SCAF8: variants seen among roughly 807,000 people sequenced by gnomAD.
The protein encoded by SCAF8 is SR-related CTD associated factor 8.
In SCAF8, 23 loss-of-function variants were observed where a neutral mutation model predicts 140.5. That is an observed-to-expected ratio of 0.16 (90% confidence interval 0.12 to 0.23). The LOEUF (loss-of-function observed/expected upper bound fraction) is 0.23, where lower values mean the gene tolerates loss of function less well. SCAF8 is among the 10% of genes least tolerant of loss of function. The pLI, the probability that SCAF8 is intolerant of heterozygous loss-of-function variation, is 1.00. For synonymous variants in SCAF8, 575 were observed against 528.9 expected, an observed-to-expected ratio of 1.09 and a Z score of -1.20; for missense variants, 1,397 against 1,555.7, an observed-to-expected ratio of 0.90 and a Z score of 1.72.
chr6:154,789,037 G>A (rs1196726192), intron 4 of SCAF8, among the ~76,000 whole-genome samples: 2 of 152,132 alleles, frequency 1.3e-5, no homozygotes, highest in African/African-American at 4.8e-5. Context: ...AGATTAAGTA[G>A]TTATTTTTCA....
intron 12 of SCAF8, among the ~76,000 whole-genome samples, chr6:154,813,222 A>G (rs1328487862): frequency 6.6e-6 from 1 of 152,000 alleles, no homozygotes; most frequent in East Asian, 1.9e-4. Context: ...AAAACAAAAC[A>G]AAAAACAGAA....
chr6:154,762,268 G>C (rs1196482292), intron 1 of SCAF8, among the ~76,000 whole-genome samples: 2 of 152,206 alleles, frequency 1.3e-5, no homozygotes, highest in African/African-American at 4.8e-5. Flanking sequence ...TTTCACTTGG[G>C]TGATGGAGGT....
chr6:154,822,746 A>G (rs1562464584), intron 16 of SCAF8, among the ~76,000 whole-genome samples: 1 of 152,098 alleles, frequency 6.6e-6, no homozygotes, highest in African/African-American at 2.4e-5. Context: ...TTTTTGAAAA[A>G]TTATTTTTAG....
rs766463148 is a variant in SCAF8, at chr6:154,833,418, T to A, written c.*23T>A. Reference sequence around the variant, plus strand: ...TAATCATCACTCAGTAGGTAAAAGATACCTTTTGTAAAGTTGTCATCTCTC... The same window carrying A: ...TAATCATCACTCAGTAGGTAAAAGAAACCTTTTGTAAAGTTGTCATCTCTC... On this transcript the variant is annotated 3_prime_UTR_variant, in exon 20 of 20. Transcript: ENST00000367178. 1.3e-6 allele frequency: 2 copies of A among 1,595,028 alleles called. No homozygotes were observed. The highest frequency in any genetic ancestry group is 1.8e-5 in the Admixed American group (1 of 57,122).
intron 11 of SCAF8, among the ~76,000 whole-genome samples, chr6:154,809,403 A>G (rs1778020269): frequency 6.6e-6 from 1 of 152,054 alleles, no homozygotes; most frequent in Non-Finnish European, 1.5e-5. Flanking sequence ...ATATTTATCT[A>G]TTGCAAATGA....
rs1778769624 is a variant in SCAF8, at chr6:154,832,338, C to G, written c.2759C>G (p.Thr920Arg). Residue 920 changes from threonine (T) to arginine (R), a missense_variant, in exon 20 of 20, where the codon ACA (threonine) becomes AGA (arginine). Around this residue, in one of 5 missense-constraint regions of SCAF8, gnomAD observed 930 missense variants for 874.6 expected, o/e 1.06. Transcript: ENST00000367178. ...PLSIPNQRMP[T>R]MPMLDIRPGL... ...AGTATCCCTAATCAAAGGATGCCCA[C>G]AATGCCAATGTTAGACATTCGTCCG... 6.2e-7 allele frequency: 1 copy of G among 1,613,916 alleles called. No individual in the cohort carries two copies. Among genetic ancestry groups the G allele is most frequent in the Non-Finnish European group, 8.5e-7 (1 of 1,180,010 alleles).
At chr6:154,738,760 T>C (rs1189509516) in intron 1 of SCAF8, among the ~76,000 whole-genome samples, 1 of 152,240 alleles carries the variant, frequency 6.6e-6, no homozygotes, top group Admixed American at 6.5e-5. Context: ...CCTAAATCTG[T>C]GGATTACTTT....
Position 154,815,823 on chromosome 6 carries a change from A to G in SCAF8, c.1521+7A>G. The G allele has an allele frequency of 1.3e-6, 2 of 1,550,756 alleles. No individual in the cohort carries two copies. Among genetic ancestry groups the G allele is most frequent in the Non-Finnish European group, 8.9e-7 (1 of 1,123,466 alleles). On this transcript the variant is annotated splice_region_variant and intron_variant, in intron 13 of 19. Coordinates refer to ENST00000367178, the MANE Select transcript of SCAF8 (RefSeq NM_014892.5). Reference sequence around the variant, plus strand: ...ACAGATTGAATCCATTAATGCAAGTATCAGTTCTTAATAATTTAAGGTTTT... The same window carrying G: ...ACAGATTGAATCCATTAATGCAAGTGTCAGTTCTTAATAATTTAAGGTTTT...
intron 1 of SCAF8, among the ~76,000 whole-genome samples, chr6:154,742,369 A>G (rs1778592836): frequency 1.3e-5 from 2 of 152,214 alleles, no homozygotes; most frequent in Non-Finnish European, 2.9e-5. Flanking sequence ...ACACCTTTTG[A>G]AGAATTTCTT....
intron 3 of SCAF8, among the ~76,000 whole-genome samples, chr6:154,782,417 T>TCAAAACAAAACAAAACAAAACAAAA (rs200726820): frequency 6.6e-6 from 1 of 151,712 alleles, no homozygotes; most frequent in African/African-American, 2.4e-5. Flanking sequence ...AGAGCTTGTC[T>TCAAAACAAAACAAAACAAAACAAAA]CAAAACAAAA....
intron 18 of SCAF8, among the ~76,000 whole-genome samples, chr6:154,829,313 T>C (rs1156710728): frequency 2.0e-5 from 3 of 152,028 alleles, no homozygotes; most frequent in East Asian, 1.9e-4. Context: ...TTTACTAGAA[T>C]AGACATTTCA....
rs532893908 is a variant in SCAF8, at chr6:154,796,353, T to TTCTCTC, written c.606+1248_606+1253dup. ...ATAATGATTCAGCATTGCAATCCTG[T>TTCTCTC]TCTCTCTCTCTCTCTCTCTCTCTCT... On this transcript the variant is annotated intron_variant, in intron 6 of 19. Coordinates refer to ENST00000367178, the MANE Select transcript of SCAF8 (RefSeq NM_014892.5). 8.7e-3 allele frequency among the ~76,000 whole-genome samples: 655 copies of TTCTCTC among 75,236 alleles called. 9 individuals carry two copies. Among genetic ancestry groups the TTCTCTC allele is most frequent in the Admixed American group, 0.021 (150 of 7,306 alleles). The allele number at this position is 75,236 out of a possible 152,430, so 49.4% of individuals were successfully genotyped here.
At position 154,771,812 on chromosome 6, in the gene SCAF8, G is replaced by A. The variant is rs531347121; in HGVS notation, c.31-2177G>A. 1.1e-4 allele frequency among the ~76,000 whole-genome samples: 16 copies of A among 152,174 alleles called. No homozygotes were observed. In the South Asian group the frequency reaches 2.7e-3, roughly 26 times the overall value. On this transcript the variant is annotated intron_variant, in intron 1 of 19. Coordinates refer to ENST00000367178, the MANE Select transcript of SCAF8 (RefSeq NM_014892.5). ...CTGTGTGATGGGAATTTTTTGTACC[G>A]CAAACCTCAGCATCACAAAATACAC...
At chr6:154,803,155 T>C (rs933375146) in intron 7 of SCAF8, among the ~76,000 whole-genome samples, 1 of 152,116 alleles carries the variant, frequency 6.6e-6, no homozygotes, top group African/African-American at 2.4e-5. Context: ...AGCCTTTAAA[T>C]TGAGCATTCA....
chr6:154,743,181 T>TA (rs1190433833), intron 1 of SCAF8, among the ~76,000 whole-genome samples: 1 of 152,200 alleles, frequency 6.6e-6, no homozygotes, highest in Non-Finnish European at 1.5e-5. Context: ...TTTTGCCTCT[T>TA]AGAGTCCAGA....
intron 2 of SCAF8, among the ~76,000 whole-genome samples, chr6:154,777,428 C>G (rs950893437): frequency 1.3e-5 from 2 of 152,092 alleles, no homozygotes; most frequent in African/African-American, 2.4e-5. Context: ...ATGTTCACTT[C>G]CGCTGATTCA....
At chr6:154,805,325 T>G in intron 8 of SCAF8, 44 bp from the exon 9 acceptor site, 1 of 1,140,284 alleles carries the variant, frequency 8.8e-7, no homozygotes, top group South Asian at 1.3e-5. Context: ...TCATAGTATC[T>G]TTAGTGGGTT....
chr6:154,733,424 T>TGCCGCA lies in SCAF8; in HGVS notation c.-471_-466dup. 5 of 1,404,268 alleles carry TGCCGCA rather than the reference T, an allele frequency of 3.6e-6. No homozygotes were observed. Among genetic ancestry groups the TGCCGCA allele is most frequent in the Non-Finnish European group, 4.6e-6 (5 of 1,079,170 alleles). 87.0% of individuals were successfully genotyped at this position (1,404,268 alleles called of 1,614,324 possible). A position where few individuals can be genotyped will look rare whatever the true frequency, so the allele number is the denominator to read the frequency against. On this transcript the variant is annotated 5_prime_UTR_variant, in exon 1 of 20. Coordinates refer to ENST00000367178, the MANE Select transcript of SCAF8 (RefSeq NM_014892.5). ...CCCGACTCGAGTCCGCCATATTGGA[T>TGCCGCA]GCCGCAGCCGCTGCTGCCAGCGCTT...
rs530539285 is a variant in SCAF8 at position 154,802,931 on chromosome 6, A to G, written c.784-613A>G. ...AATAATTAAAGTGTTTCTAAAACTTAAAATCTTTCATGTACAATTTAGTGT... is the reference window on the plus strand; with the variant it reads ...AATAATTAAAGTGTTTCTAAAACTTGAAATCTTTCATGTACAATTTAGTGT... On this transcript the variant is annotated intron_variant, in intron 7 of 19. Coordinates refer to ENST00000367178, the MANE Select transcript of SCAF8 (RefSeq NM_014892.5). Among the ~76,000 whole-genome samples, 6 of 152,350 alleles carry G rather than the reference A, an allele frequency of 3.9e-5. No homozygotes were observed. In the South Asian group the frequency reaches 1.2e-3, roughly 32 times the overall value.
Sources: allele counts gnomAD v4.1 joint callset (sites outside exome capture counted in the v4.1 genomes callset), GRCh38; gene constraint gnomAD v4.1.1; regional missense constraint gnomAD v4.1.1; transcripts MANE v1.5; gene names NCBI Gene and HGNC (gene_info 2026-07-23, HGNC 2026-07-21).